GFOD1: variants seen among roughly 807,000 people sequenced by gnomAD.
GFOD1 encodes glucose-fructose oxidoreductase domain-containing protein 1.
In GFOD1, 9 loss-of-function variants were observed where a neutral mutation model predicts 25.4. That is an observed-to-expected ratio of 0.35 (90% CI 0.21 to 0.62). The LOEUF is 0.62. Ranked by LOEUF, GFOD1 falls within the 20% of genes least tolerant of loss-of-function variation. The probability of loss-of-function intolerance (pLI) is 0.72; values close to 1 mark genes in which losing one functional copy is unlikely to be tolerated. For synonymous variants in GFOD1, 253 were observed against 245.6 expected (o/e 1.03, Z -0.28); for missense variants, 403 against 556.9 (o/e 0.72, Z 2.78).
intron 1 of GFOD1, among the ~76,000 whole-genome samples, chr6:13,390,388 C>T (rs554878810): frequency 9.2e-5 from 14 of 151,658 alleles, no homozygotes; most frequent in East Asian, 5.8e-4. Flanking sequence ...CCCAGGAGTT[C>T]GAGACCTGCC....
At chr6:13,382,842 C>G (rs1785394414) in intron 1 of GFOD1, among the ~76,000 whole-genome samples, 1 of 152,128 alleles carries the variant, frequency 6.6e-6, no homozygotes, top group South Asian at 2.1e-4. Context: ...CCAACAGGCC[C>G]CAGTGTGTGT....
intron 1 of GFOD1, among the ~76,000 whole-genome samples, chr6:13,435,758 C>A (rs569143799): frequency 6.6e-6 from 1 of 152,266 alleles, no homozygotes; most frequent in African/African-American, 2.4e-5. Context: ...TAGCTGGGAA[C>A]TTTGAACTTT....
At chr6:13,451,946 C>T (rs778926616) in intron 1 of GFOD1, among the ~76,000 whole-genome samples, 2 of 152,170 alleles carry the variant, frequency 1.3e-5, no homozygotes, top group African/African-American at 2.4e-5. Flanking sequence ...ATTTAAAAGG[C>T]TCCAGTTCAG....
intron 1 of GFOD1, among the ~76,000 whole-genome samples, chr6:13,381,427 G>A (rs1354040247): frequency 6.6e-6 from 1 of 152,196 alleles, no homozygotes; most frequent in Non-Finnish European, 1.5e-5. Context: ...CCTAGAAGAG[G>A]CCAGGATACA....
At chr6:13,393,811 G>A (rs574647167) in intron 1 of GFOD1, among the ~76,000 whole-genome samples, 4 of 105,066 alleles carry the variant, frequency 3.8e-5, no homozygotes, top group Non-Finnish European at 7.4e-5. Context: ...ACGGAGTTTC[G>A]CTCTGCCGCC....
At chr6:13,451,461 A>G (rs908031790) in intron 1 of GFOD1, among the ~76,000 whole-genome samples, 5 of 151,876 alleles carry the variant, frequency 3.3e-5, no homozygotes, top group Admixed American at 2.6e-4. Context: ...CTTGTAGAGA[A>G]CACAGGCTCA....
chr6:13,463,125 C>T (rs1758321401), intron 1 of GFOD1, among the ~76,000 whole-genome samples: 2 of 152,236 alleles, frequency 1.3e-5, no homozygotes, highest in Non-Finnish European at 2.9e-5. Flanking sequence ...TTATCTGTGA[C>T]ACCGCCCAGG....
intron 1 of GFOD1, among the ~76,000 whole-genome samples, chr6:13,431,209 G>A (rs936846217): frequency 2.0e-5 from 3 of 152,168 alleles, no homozygotes; most frequent in Non-Finnish European, 2.9e-5. Flanking sequence ...GCTCTGCCAC[G>A]GTCTGTGCTG....
chr6:13,476,745 G>A (rs1412779738), intron 1 of GFOD1, among the ~76,000 whole-genome samples: 1 of 152,160 alleles, frequency 6.6e-6, no homozygotes, highest in Admixed American at 6.5e-5. Flanking sequence ...TTAGAGACTG[G>A]AAAATTTTTT....
chr6:13,439,834 A>G (rs1243618904), intron 1 of GFOD1, among the ~76,000 whole-genome samples: 3 of 152,184 alleles, frequency 2.0e-5, no homozygotes, highest in Non-Finnish European at 4.4e-5. Context: ...AAAGACACCA[A>G]TGTCTATGAT....
At chr6:13,473,620 G>A (rs1758553917) in intron 1 of GFOD1, among the ~76,000 whole-genome samples, 1 of 152,238 alleles carries the variant, frequency 6.6e-6, no homozygotes, top group Non-Finnish European at 1.5e-5. Context: ...TTCTAACTTT[G>A]CTCTAGCAGG....
In GFOD1 at chr6:13,361,299, T is replaced by G. The variant is rs1784943452; in HGVS notation, c.*3444A>C. ...AGGCCCAGGGCACTCCCAAACATTT[T>G]TTAAATACCAGGTAAGAACCCTGAC... On this transcript the variant is annotated 3_prime_UTR_variant, in exon 2 of 2. Coordinates refer to ENST00000379287, the MANE Select transcript of GFOD1 (RefSeq NM_018988.4). 1 of 167,318 alleles carries G rather than the reference T, an allele frequency of 6.0e-6. No homozygotes were observed. Among genetic ancestry groups the G allele is most frequent in the South Asian group, 1.4e-4 (1 of 7,112 alleles). The allele number at this position is 167,318 out of a possible 1,614,324, so 10.4% of individuals were successfully genotyped here.
intron 1 of GFOD1, among the ~76,000 whole-genome samples, chr6:13,420,099 G>T (rs1218009478): frequency 6.6e-6 from 1 of 152,040 alleles, no homozygotes; most frequent in African/African-American, 2.4e-5. Flanking sequence ...ACAGAGAAGG[G>T]GCTCAGTCCA....
chr6:13,408,399 A>T (rs1050883334), intron 1 of GFOD1, among the ~76,000 whole-genome samples: 7 of 152,172 alleles, frequency 4.6e-5, no homozygotes, highest in Non-Finnish European at 2.9e-5. Flanking sequence ...CATTTTGCTT[A>T]AAAAACAGCA....
chr6:13,398,039 C>T (rs190822976), intron 1 of GFOD1, among the ~76,000 whole-genome samples: 7 of 152,328 alleles, frequency 4.6e-5, no homozygotes, highest in Non-Finnish European at 1.0e-4. Context: ...AAAGTGCAAA[C>T]CTGGAGCCTC....
chr6:13,392,329 G>A (rs1407426716), intron 1 of GFOD1, among the ~76,000 whole-genome samples: 1 of 127,768 alleles, frequency 7.8e-6, no homozygotes, highest in East Asian at 2.5e-4. Flanking sequence ...GGGTGACAAA[G>A]CCAGACCCTA....
intron 1 of GFOD1, among the ~76,000 whole-genome samples, chr6:13,367,400 C>A (rs78482586): frequency 0.015 from 2,282 of 152,238 alleles, 51 homozygotes; most frequent in African/African-American, 0.048. Flanking sequence ...GTTCGTTTAA[C>A]GTTTTTCTTT....
intron 1 of GFOD1, among the ~76,000 whole-genome samples, chr6:13,377,140 T>C (rs1240104259): frequency 6.6e-6 from 1 of 152,050 alleles, no homozygotes; most frequent in African/African-American, 2.4e-5. Flanking sequence ...CAACACTCAG[T>C]TGTAGCTATC....
intron 1 of GFOD1, among the ~76,000 whole-genome samples, chr6:13,392,198 T>TA (rs1785627248): frequency 6.6e-6 from 1 of 151,784 alleles, no homozygotes; most frequent in Non-Finnish European, 1.5e-5. Flanking sequence ...CCACCTCTAC[T>TA]AAAAAAATAT....
Sources: allele counts gnomAD v4.1 joint callset (sites outside exome capture counted in the v4.1 genomes callset), GRCh38; gene constraint gnomAD v4.1.1; transcripts MANE v1.5; gene names NCBI Gene and HGNC (gene_info 2026-07-23, HGNC 2026-07-21).